The following NAALADL2 variants were observed in gnomAD, a reference collection of about 807,000 sequenced individuals.
The protein encoded by NAALADL2 is N-acetylated alpha-linked acidic dipeptidase like 2.
NAALADL2 carries 76 observed loss-of-function variants against 87.2 expected under a neutral mutation model. The observed-to-expected ratio is 0.87, with a 90% CI of 0.72 to 1.05. NAALADL2 has a LOEUF of 1.05. Among genes scored for constraint, NAALADL2 ranks in the 50% least tolerant of loss-of-function variants. The pLI is 0.00. For synonymous variants in NAALADL2, 354 were observed against 331.0 expected (o/e 1.07, Z -0.75); for missense variants, 1,089 against 945.8 (o/e 1.15, Z -1.99).
chr3:175,581,115 A>T (rs780896866), intron 10 of NAALADL2: 1 of 369,198 alleles, frequency 2.7e-6, no homozygotes. Flanking sequence ...GAGAAGAGTG[A>T]TGTTATCTTA....
intron 11 of NAALADL2, among the ~76,000 whole-genome samples, chr3:175,729,619 A>G (rs1247564590): frequency 6.6e-6 from 1 of 152,120 alleles, no homozygotes; most frequent in Non-Finnish European, 1.5e-5. Flanking sequence ...TCCAATTTCT[A>G]TACATCACTT....
chr3:175,707,543 C>T (rs369071340), intron 11 of NAALADL2, among the ~76,000 whole-genome samples: 43 of 152,026 alleles, frequency 2.8e-4, no homozygotes, highest in African/African-American at 9.9e-4. Context: ...GATAAGGAAA[C>T]TAAACATAGG....
At chr3:175,293,250 T>G (rs573101063) in intron 4 of NAALADL2, among the ~76,000 whole-genome samples, 155 of 152,036 alleles carry the variant, frequency 1.0e-3, no homozygotes, top group African/African-American at 3.3e-3. Context: ...AGACATGGAG[T>G]TAAACTCTGA....
chr3:175,151,610 T>C (rs1026558395), intron 2 of NAALADL2, among the ~76,000 whole-genome samples: 1 of 152,074 alleles, frequency 6.6e-6, no homozygotes, highest in Non-Finnish European at 1.5e-5. Context: ...CAGCTGAGCA[T>C]CATAGCAAAA....
intron 1 of NAALADL2, among the ~76,000 whole-genome samples, chr3:174,471,937 A>G (rs1156335333): frequency 2.0e-5 from 3 of 152,170 alleles, no homozygotes; most frequent in Non-Finnish European, 4.4e-5. Flanking sequence ...TGATAGCTGT[A>G]TCAGTGCTTC....
chr3:174,641,849 C>T (rs975731680), intron 2 of NAALADL2, among the ~76,000 whole-genome samples: 1 of 152,118 alleles, frequency 6.6e-6, no homozygotes, highest in Admixed American at 6.5e-5. Context: ...CTCAACCTCC[C>T]GGGCTCAAGT....
chr3:175,798,946 G>T (rs544674462), intron 13 of NAALADL2, among the ~76,000 whole-genome samples: 8 of 152,114 alleles, frequency 5.3e-5, no homozygotes, highest in Admixed American at 2.6e-4. Context: ...ATTGGGTTTT[G>T]CAGATGGGGA....
rs189844875 is a variant in NAALADL2, at chr3:174,798,808, C to T, written c.-9+61062C>T. On this transcript the variant is annotated intron_variant, in intron 3 of 3. Coordinates refer to the NAALADL2 transcript ENST00000434257. ...TGCTGAATTCATTTATTTATTAGTT[C>T]TAATAGTTCTTTAGTGGATTCCTAT... Among the ~76,000 whole-genome samples, 180 of 151,926 alleles carry T rather than the reference C, an allele frequency of 1.2e-3. 1 individual carries two copies. The highest frequency in any genetic ancestry group is 1.1e-3 in the Admixed American group (16 of 15,232).
At chr3:175,410,316 T>G (rs148420893) in intron 5 of NAALADL2, among the ~76,000 whole-genome samples, 130 of 152,310 alleles carry the variant, frequency 8.5e-4, no homozygotes, top group Admixed American at 3.7e-3. Flanking sequence ...GAAACATTTC[T>G]TAAAAGTTGT....
At chr3:175,158,417 C>T (rs1465886610) in intron 2 of NAALADL2, among the ~76,000 whole-genome samples, 1 of 146,692 alleles carries the variant, frequency 6.8e-6, no homozygotes, top group Non-Finnish European at 1.5e-5. Flanking sequence ...TCATCAGGAA[C>T]CCAAAACTTG....
chr3:175,376,305 T>C (rs1288210091), intron 5 of NAALADL2, among the ~76,000 whole-genome samples: 1 of 152,154 alleles, frequency 6.6e-6, no homozygotes, highest in Non-Finnish European at 1.5e-5. Context: ...TAATTCTTTT[T>C]TTCTGCTAAA....
chr3:175,467,646 A>T (rs192291361), intron 8 of NAALADL2, among the ~76,000 whole-genome samples: 1 of 152,222 alleles, frequency 6.6e-6, no homozygotes, highest in Admixed American at 6.5e-5. Flanking sequence ...TACATTTTAA[A>T]ATCCACTTTT....
chr3:175,665,578 A>G (rs913108638), intron 11 of NAALADL2, among the ~76,000 whole-genome samples: 1 of 152,202 alleles, frequency 6.6e-6, no homozygotes, highest in African/African-American at 2.4e-5. Context: ...TCAGTATTCA[A>G]GCTTAGCACA....
intron 9 of NAALADL2, among the ~76,000 whole-genome samples, chr3:175,557,329 G>C: frequency 6.6e-6 from 1 of 152,122 alleles, no homozygotes; most frequent in South Asian, 2.1e-4. Context: ...CAAGCATGAA[G>C]TGTGTAATAA....
chr3:175,097,044 C>A lies in NAALADL2; in HGVS notation c.298C>A (p.Leu100Ile). Residue 100 changes from leucine to isoleucine, a missense_variant, in exon 2 of 14, where the codon CTT becomes ATT. Leu to Ile is a conservative substitution (Grantham distance 5). Transcript: ENST00000454872. ...ATSPKGRFQR[L>I]QEESDYITHY... Reference sequence around the variant, plus strand: ...TTCACCCAAAGGAAGGTTCCAGAGACTTCAAGAAGAATCTGACTACATTAC... The same window carrying A: ...TTCACCCAAAGGAAGGTTCCAGAGAATTCAAGAAGAATCTGACTACATTAC... 1 of 1,613,748 alleles carries A rather than the reference C, an allele frequency of 6.2e-7. No individual in the cohort carries two copies.
At chr3:175,574,793 A>G (rs1718617447) in intron 9 of NAALADL2, among the ~76,000 whole-genome samples, 1 of 152,154 alleles carries the variant, frequency 6.6e-6, no homozygotes, top group Non-Finnish European at 1.5e-5. Flanking sequence ...TTTTGAAATT[A>G]TGTCACGCCA....
chr3:174,974,839 A>G (rs1000105803), intron 1 of NAALADL2, among the ~76,000 whole-genome samples: 14 of 152,234 alleles, frequency 9.2e-5, no homozygotes, highest in Non-Finnish European at 1.9e-4. Context: ...TTGGAAGTAT[A>G]TTGGCATTAT....
intron 2 of NAALADL2, chr3:174,632,129 G>A (rs1228485940): frequency 6.6e-6 from 1 of 152,170 alleles, no homozygotes; most frequent in Non-Finnish European, 1.5e-5. Context: ...AGTGAATAGA[G>A]GCTTGACCTT....
At chr3:175,086,885 T>A (rs1038679996) in intron 1 of NAALADL2, among the ~76,000 whole-genome samples, 7 of 152,188 alleles carry the variant, frequency 4.6e-5, no homozygotes, top group African/African-American at 1.7e-4. Flanking sequence ...TCTTTTTAAC[T>A]AAACATCTAT....
Sources: allele counts gnomAD v4.1 joint callset (sites outside exome capture counted in the v4.1 genomes callset), GRCh38; gene constraint gnomAD v4.1.1; transcripts MANE v1.5; gene names NCBI Gene and HGNC (gene_info 2026-07-23, HGNC 2026-07-21).